The following PLD1 variants were observed in gnomAD, a reference collection of about 807,000 sequenced individuals.
The protein encoded by PLD1 is phospholipase D1, also known as choline phosphatase 1.
PLD1 carries 112 observed loss-of-function variants against 137.1 expected under a neutral mutation model. The ratio of observed to expected loss-of-function variants is 0.82; its 90% confidence interval spans 0.70 to 0.96. The LOEUF is 0.96. PLD1 is among the 40% of genes least tolerant of loss of function. PLD1 has a pLI of 0.00. For missense variants in PLD1, 1,321 were observed against 1,342.0 expected (o/e 0.98, Z 0.24); for synonymous variants, 431 against 454.7 (o/e 0.95, Z 0.66).
rs150059124 is a variant in PLD1, at chr3:171,775,106, TA to T, written c.-32+35292del. 4.3e-3 allele frequency among the ~76,000 whole-genome samples: 662 copies of T among 152,304 alleles called. 13 individuals carry two copies. The highest frequency in any genetic ancestry group is 0.038 in the East Asian group (197 of 5,190). On this transcript the variant is annotated intron_variant, in intron 1 of 26. Transcript: ENST00000351298. Reference sequence around the variant, plus strand: ...TGTCAGACAGAATTCAGGCTGTTGATAAAAAATTTTATTTTTATTTTTACTA... The same window carrying T: ...TGTCAGACAGAATTCAGGCTGTTGATAAAAATTTTATTTTTATTTTTACTA...
At chr3:171,676,685 G>A (rs770777504) in intron 18 of PLD1, 30 bp downstream of exon 18, 1 of 1,537,226 alleles carries the variant, frequency 6.5e-7, no homozygotes, top group Middle Eastern at 1.7e-4. Flanking sequence ...CTCTTCATGT[G>A]GATAAATCAT....
chr3:171,769,847 G>T (rs546704852), intron 1 of PLD1, among the ~76,000 whole-genome samples: 28 of 151,878 alleles, frequency 1.8e-4, no homozygotes, highest in African/African-American at 5.8e-4. Context: ...ATTTCGCAGT[G>T]GGGAAAAAAG....
chr3:171,692,033 G>A (rs1366315987), intron 13 of PLD1, among the ~76,000 whole-genome samples: 2 of 152,176 alleles, frequency 1.3e-5, no homozygotes, highest in Non-Finnish European at 1.5e-5. Context: ...ATAATGAGAA[G>A]TGTGAGAACT....
At chr3:171,633,351 A>T (rs1244783738) in intron 23 of PLD1, among the ~76,000 whole-genome samples, 1 of 152,228 alleles carries the variant, frequency 6.6e-6, no homozygotes, top group Admixed American at 6.5e-5. Context: ...GTGAAGAAAT[A>T]GATGAACAAG....
At chr3:171,622,975 T>C (rs1174345372) in intron 23 of PLD1, among the ~76,000 whole-genome samples, 2 of 151,980 alleles carry the variant, frequency 1.3e-5, no homozygotes, top group African/African-American at 4.8e-5. Flanking sequence ...ATAAACTTAA[T>C]GGTTCACGTG....
chr3:171,617,773 G>A (rs1261342251), intron 24 of PLD1, among the ~76,000 whole-genome samples: 1 of 152,100 alleles, frequency 6.6e-6, no homozygotes, highest in Non-Finnish European at 1.5e-5. Flanking sequence ...ATTTCCTCAT[G>A]AGGAGTAAAA....
intron 1 of PLD1, among the ~76,000 whole-genome samples, chr3:171,751,842 T>C (rs759155161): frequency 1.3e-5 from 2 of 151,954 alleles, no homozygotes; most frequent in Admixed American, 6.6e-5. Flanking sequence ...CTACTAAAAC[T>C]ACAAAAAATT....
intron 23 of PLD1, among the ~76,000 whole-genome samples, chr3:171,631,434 C>G (rs1734651120): frequency 6.8e-6 from 1 of 146,648 alleles, no homozygotes. Context: ...ATCCACATGA[C>G]AAGAAAGAGA....
intron 19 of PLD1, among the ~76,000 whole-genome samples, chr3:171,662,943 G>A (rs115813341): frequency 7.0e-4 from 106 of 152,320 alleles, no homozygotes; most frequent in African/African-American, 2.5e-3. Flanking sequence ...TTCCATATCC[G>A]AAGTTTTTCT....
At chr3:171,795,328 T>C (rs1379472600) in intron 1 of PLD1, among the ~76,000 whole-genome samples, 1 of 152,028 alleles carries the variant, frequency 6.6e-6, no homozygotes, top group Non-Finnish European at 1.5e-5. Context: ...ACAAGAAACA[T>C]GGATAAAAGC....
intron 16 of PLD1, among the ~76,000 whole-genome samples, chr3:171,685,572 T>C (rs991251329): frequency 3.3e-5 from 5 of 152,160 alleles, no homozygotes; most frequent in African/African-American, 1.2e-4. Flanking sequence ...GCACTGCAAC[T>C]ACTCAGGGCA....
At chr3:171,651,383 T>C (rs575803275) in intron 21 of PLD1, among the ~76,000 whole-genome samples, 1 of 152,182 alleles carries the variant, frequency 6.6e-6, no homozygotes, top group Non-Finnish European at 1.5e-5. Flanking sequence ...GTATCAATTA[T>C]GTTGGAATTG....
Position 171,687,587 on chromosome 3 carries a change from G to A in PLD1, c.1540-3C>T. 1.9e-6 allele frequency: 3 copies of A among 1,605,196 alleles called. No individual in the cohort carries two copies. The highest frequency in any genetic ancestry group is 2.6e-6 in the Non-Finnish European group (3 of 1,176,218). On this transcript the variant is annotated splice_region_variant and splice_polypyrimidine_tract_variant and intron_variant, in intron 14 of 26. Transcript: ENST00000351298. ...TCCATAGACTCCATTGCGGCAGGCT[G>A]AGAAAAATTTTTTTTTAAAAAAAGA...
chr3:171,603,485 TACAA>T (rs2108246358), intron 26 of PLD1, among the ~76,000 whole-genome samples, 183 bp from the exon 27 acceptor site: 1 of 152,332 alleles, frequency 6.6e-6, no homozygotes, highest in Non-Finnish European at 1.5e-5. Flanking sequence ...ATAGATCTGC[TACAA>T]ACAGATAGAT....
At chr3:171,666,677 T>C (rs889997932) in intron 19 of PLD1, among the ~76,000 whole-genome samples, 2 of 152,230 alleles carry the variant, frequency 1.3e-5, no homozygotes, top group African/African-American at 2.4e-5. Flanking sequence ...TTTAAACCAA[T>C]GTAACTGAGA....
chr3:171,642,255 G>A (rs1735817674), intron 23 of PLD1, among the ~76,000 whole-genome samples: 1 of 151,870 alleles, frequency 6.6e-6, no homozygotes, highest in African/African-American at 2.4e-5. Flanking sequence ...AGGAGTTCTA[G>A]ACAGGCCTGG....
chr3:171,628,601 A>C (rs1013325015), intron 23 of PLD1, among the ~76,000 whole-genome samples: 4 of 151,988 alleles, frequency 2.6e-5, no homozygotes, highest in African/African-American at 9.7e-5. Flanking sequence ...ACATTGATGC[A>C]AAAATCCTCA....
chr3:171,771,097 A>C (rs1389885200), intron 1 of PLD1: 1 of 152,156 alleles, frequency 6.6e-6, no homozygotes, highest in Non-Finnish European at 1.5e-5. Flanking sequence ...TTATTTTCTA[A>C]AAGAACGCAG....
chr3:171,712,760 G>A (rs192785972), intron 9 of PLD1, among the ~76,000 whole-genome samples: 3 of 152,212 alleles, frequency 2.0e-5, no homozygotes, highest in Admixed American at 6.5e-5. Flanking sequence ...GGCCAATAAA[G>A]TAAGGGACCA....
Sources: gnomAD v4.1 joint callset for allele counts (sites outside exome capture counted in the v4.1 genomes callset) on GRCh38, gnomAD v4.1.1 for gene constraint, MANE v1.5 for transcripts, NCBI Gene and HGNC (gene_info 2026-07-23, HGNC 2026-07-21) for gene names.